PCDHA12: variants seen among roughly 807,000 people sequenced by gnomAD.
PCDHA12 encodes the protein protocadherin alpha 12.
In PCDHA12, 44 loss-of-function variants were observed where a neutral mutation model predicts 60.0. The observed-to-expected ratio is 0.73, with a 90% CI of 0.58 to 0.94. The LOEUF (loss-of-function observed/expected upper bound fraction) is 0.94. PCDHA12 is among the 40% of genes least tolerant of loss of function. The probability of loss-of-function intolerance (pLI) is 0.00; values close to 1 mark genes in which losing one functional copy is unlikely to be tolerated. For synonymous variants in PCDHA12, 569 were observed against 553.0 expected, an observed-to-expected ratio of 1.03 and a Z score of -0.40; for missense variants, 1,276 against 1,239.7, an observed-to-expected ratio of 1.03 and a Z score of -0.44.
At chr5:141,005,199 C>T (rs2098200928) in intron 3 of PCDHA12, among the ~76,000 whole-genome samples, 1 of 152,208 alleles carries the variant, frequency 6.6e-6, no homozygotes, top group African/African-American at 2.4e-5. Flanking sequence ...TCCTTTCATT[C>T]ATTCATCCAG....
intron 1 of PCDHA12, among the ~76,000 whole-genome samples, chr5:140,895,416 C>A (rs2065002617): frequency 6.6e-6 from 1 of 152,168 alleles, no homozygotes; most frequent in South Asian, 2.1e-4. Context: ...CCATAACCTT[C>A]TTTTGCTTCC....
chr5:140,918,175 CT>C (rs1429626043), intron 1 of PCDHA12, among the ~76,000 whole-genome samples: 2 of 152,076 alleles, frequency 1.3e-5, no homozygotes, highest in Non-Finnish European at 2.9e-5. Context: ...GCATTGTGTT[CT>C]TGATTTGGCC....
chr5:140,892,144 G>T (rs549500463), intron 1 of PCDHA12, among the ~76,000 whole-genome samples: 1 of 152,102 alleles, frequency 6.6e-6, no homozygotes, highest in Non-Finnish European at 1.5e-5. Context: ...TGGTTTTAGC[G>T]TCTATTTCTG....
chr5:140,968,500 C>T, intron 1 of PCDHA12: 2 of 1,614,222 alleles, frequency 1.2e-6, no homozygotes, highest in Middle Eastern at 1.6e-4. Context: ...ATGCCCCTCA[C>T]ATTCTGTACC....
At chr5:140,908,529 T>C (rs1250814293) in intron 1 of PCDHA12, among the ~76,000 whole-genome samples, 1 of 152,178 alleles carries the variant, frequency 6.6e-6, no homozygotes, top group Non-Finnish European at 1.5e-5. Flanking sequence ...AAATGTTCAG[T>C]TTCCACCAAA....
At chr5:140,978,594 G>C (rs184264823) in intron 1 of PCDHA12, among the ~76,000 whole-genome samples, 31 of 152,288 alleles carry the variant, frequency 2.0e-4, no homozygotes, top group African/African-American at 7.5e-4. Flanking sequence ...CCCTTAATGG[G>C]GCACTTGAGG....
chr5:140,996,141 A>G (rs1238682290), intron 3 of PCDHA12, among the ~76,000 whole-genome samples: 1 of 152,182 alleles, frequency 6.6e-6, no homozygotes, highest in Admixed American at 6.5e-5. Context: ...TTCTCCCATT[A>G]TCTTGCCTTC....
At chr5:140,968,818 T>C in intron 1 of PCDHA12, 1 of 1,614,188 alleles carries the variant, frequency 6.2e-7, no homozygotes, top group South Asian at 1.1e-5. Flanking sequence ...TGGATAGGGT[T>C]TCCAAAATCC....
chr5:140,882,149 G>A (rs2058970957), intron 1 of PCDHA12: 2 of 1,501,900 alleles, frequency 1.3e-6, no homozygotes, highest in Middle Eastern at 4.3e-4. Flanking sequence ...ATAGCAGAAA[G>A]CGGAATACCT....
rs782364296 is a variant in PCDHA12, at chr5:140,877,256, G to A, written c.1784G>A (p.Arg595His). Residue 595 changes from arginine (R) to histidine (H), a missense_variant, in exon 1 of 4, where the codon CGC (arginine) becomes CAC (histidine). Transcript: ENST00000398631. ...VGAGHVVAKV[R>H]AVDADSGYNA... ...GCGGGCCACGTGGTGGCGAAAGTGC[G>A]CGCGGTGGACGCTGACTCCGGCTAT... 1 of 1,613,628 alleles carries A rather than the reference G, an allele frequency of 6.2e-7. No homozygotes were observed. Among genetic ancestry groups the A allele is most frequent in the African/African-American group, 1.3e-5 (1 of 74,928 alleles).
chr5:140,927,587 T>A, intron 1 of PCDHA12: 18 of 1,614,162 alleles, frequency 1.1e-5, no homozygotes, highest in Non-Finnish European at 1.5e-5. Context: ...AACGCGCCTG[T>A]ATTTGAGCGC....
rs1554169954 is a variant in PCDHA12, at chr5:140,877,659, G to A, written c.2187G>A (p.Val729=). ...TGCGTTGCTCAGCGCCGCCCACCGT[G>A]AGCCGGTGCGCGCCGGGCAAGCCCA... The part of the protein sequence containing the change: ...TALRCSAPPT[V]SRCAPGKPTL... The change falls in exon 1 of 4, where the codon GTG becomes GTA. Residue 729 remains valine, a synonymous_variant. Coordinates refer to ENST00000398631, the MANE Select transcript of PCDHA12 (RefSeq NM_018903.4). 15 of 1,613,500 alleles carry A rather than the reference G, an allele frequency of 9.3e-6. No individual in the cohort carries two copies. The highest frequency in any genetic ancestry group is 1.7e-5 in the Admixed American group (1 of 59,976).
intron 3 of PCDHA12, among the ~76,000 whole-genome samples, chr5:140,983,034 C>G (rs923296416): frequency 2.6e-5 from 4 of 151,944 alleles, no homozygotes; most frequent in Non-Finnish European, 5.9e-5. Context: ...GATGGTTTCT[C>G]ATGGAAGTGG....
intron 1 of PCDHA12, chr5:140,967,338 A>G: frequency 3.7e-6 from 6 of 1,607,948 alleles, no homozygotes; most frequent in Non-Finnish European, 4.3e-6. Flanking sequence ...AGCCCCAGCG[A>G]GCACTTCGAG....
At chr5:140,911,449 C>G (rs1554194734) in intron 1 of PCDHA12, among the ~76,000 whole-genome samples, 1 of 152,116 alleles carries the variant, frequency 6.6e-6, no homozygotes, top group Non-Finnish European at 1.5e-5. Context: ...AATTTCAGCT[C>G]TTTCTCTACA....
At chr5:140,946,575 G>A (rs1554217641) in intron 1 of PCDHA12, among the ~76,000 whole-genome samples, 3 of 140,788 alleles carry the variant, frequency 2.1e-5, no homozygotes, top group Non-Finnish European at 4.6e-5. Flanking sequence ...ATCAACTTAG[G>A]TGTTCATAGT....
chr5:140,976,982 T>G (rs1348911349), intron 1 of PCDHA12, among the ~76,000 whole-genome samples: 1 of 152,240 alleles, frequency 6.6e-6, no homozygotes, highest in African/African-American at 2.4e-5. Flanking sequence ...CTGCCTGATC[T>G]TACTGCCATA....
chr5:140,967,391 C>T, intron 1 of PCDHA12: 1 of 1,609,676 alleles, frequency 6.2e-7, no homozygotes, highest in South Asian at 1.1e-5. Flanking sequence ...AGTGCTTGAG[C>T]TGGTGCTGCG....
At chr5:140,991,590 G>A (rs1211923014) in intron 3 of PCDHA12, among the ~76,000 whole-genome samples, 2 of 152,098 alleles carry the variant, frequency 1.3e-5, no homozygotes, top group Non-Finnish European at 2.9e-5. Context: ...ATTTCTACCT[G>A]AGCCCTCACT....
Sources: allele counts gnomAD v4.1 joint callset (sites outside exome capture counted in the v4.1 genomes callset), GRCh38; gene constraint gnomAD v4.1.1; transcripts MANE v1.5; gene names NCBI Gene and HGNC (gene_info 2026-07-23, HGNC 2026-07-21).